MADCAM1: variants seen among roughly 807,000 people sequenced by gnomAD.
MADCAM1 encodes mucosal addressin cell adhesion molecule 1.
MADCAM1 carries 19 observed loss-of-function variants against 26.1 expected under a neutral mutation model. That is an observed-to-expected ratio of 0.73 (90% CI 0.51 to 1.07). The LOEUF (loss-of-function observed/expected upper bound fraction) is 1.07. MADCAM1 is among the 50% of genes least tolerant of loss of function. MADCAM1 has a pLI of 0.00. For missense variants in MADCAM1, 514 were observed against 542.1 expected, an observed-to-expected ratio of 0.95 and a Z score of 0.51; for synonymous variants, 268 against 260.9, an observed-to-expected ratio of 1.03 and a Z score of -0.26.
At chr19:497,534 A>G in intron 1 of MADCAM1, among the ~76,000 whole-genome samples, 1 of 134,354 alleles carries the variant, frequency 7.4e-6, no homozygotes, top group Non-Finnish European at 1.6e-5. Flanking sequence ...GGGGGCTCGG[A>G]GGAGGCAGGG....
At position 497,511 on chromosome 19, in the gene MADCAM1, T is replaced by A. The variant is rs182452151; in HGVS notation, c.53-322T>A. Among the ~76,000 whole-genome samples, 729 of 133,078 alleles carry A rather than the reference T, an allele frequency of 5.5e-3. 8 individuals carry two copies. The highest frequency in any genetic ancestry group is 0.02 in the African/African-American group (661 of 33,810). The allele number at this position is 133,078 out of a possible 152,430, so 87.3% of individuals were successfully genotyped here. Reference sequence around the variant, plus strand: ...CTCCGAGATAGGGGGTGATTGGTGATCCTGCCAGAGGAGGGGGCTCGGAGG... The same window carrying A: ...CTCCGAGATAGGGGGTGATTGGTGAACCTGCCAGAGGAGGGGGCTCGGAGG... On this transcript the variant is annotated intron_variant, in intron 1 of 4. Coordinates refer to ENST00000215637, the MANE Select transcript of MADCAM1 (RefSeq NM_130760.3).
chr19:497,724 G>C, intron 1 of MADCAM1, 109 bp from the exon 2 acceptor site: 1 of 910,402 alleles, frequency 1.1e-6, no homozygotes, highest in Non-Finnish European at 1.4e-6. Context: ...GAGGGTCCGG[G>C]AACCGGGCAG....
At chr19:503,574 G>A (rs1317534064) in intron 4 of MADCAM1, among the ~76,000 whole-genome samples, 4 of 63,648 alleles carry the variant, frequency 6.3e-5, no homozygotes, top group African/African-American at 7.2e-5. Context: ...GCAAGACTCC[G>A]TCTCAAAAAA....
intron 3 of MADCAM1, 170 bp downstream of exon 3, chr19:498,995 C>G: frequency 9.7e-7 from 1 of 1,030,180 alleles, no homozygotes; most frequent in Non-Finnish European, 1.4e-6. Context: ...ATTTGCCGAG[C>G]ACCTGCCCCC....
At chr19:504,333 A>T (rs930503525) in intron 4 of MADCAM1, among the ~76,000 whole-genome samples, 1 of 138,440 alleles carries the variant, frequency 7.2e-6, no homozygotes, top group Non-Finnish European at 1.5e-5. Flanking sequence ...GTGCGATCTC[A>T]GCTTACTGCA....
In MADCAM1 at chr19:498,646, C is replaced by A; in HGVS notation, c.488C>A (p.Ala163Asp). ...GGCCAGGAACTGGAGGGGGCGCAAGCCCTGGGCCCGGAGGTGCAGGAGGAG... is the reference window on the plus strand; with the variant it reads ...GGCCAGGAACTGGAGGGGGCGCAAGACCTGGGCCCGGAGGTGCAGGAGGAG... Reference protein sequence around the residue: ...VGGQELEGAQALGPEVQEEEE... With the variant: ...VGGQELEGAQDLGPEVQEEEE... Residue 163 changes from alanine (A) to aspartate (D), a missense_variant, in exon 3 of 5, where the codon GCC becomes GAC. By Grantham distance (126) the Ala-to-Asp change is moderately radical (BLOSUM62 -2). Coordinates refer to ENST00000215637, the MANE Select transcript of MADCAM1 (RefSeq NM_130760.3). 6.1e-6 allele frequency: 9 copies of A among 1,464,656 alleles called. No individual in the cohort carries two copies. The highest frequency in any genetic ancestry group is 7.2e-6 in the Non-Finnish European group (8 of 1,113,556). 90.7% of individuals were successfully genotyped at this position (1,464,656 alleles called of 1,614,324 possible).
In MADCAM1 at chr19:505,282, ACC is replaced by A. The variant is rs1978562457; in HGVS notation, c.*319_*320del. 1 of 294,602 alleles carries A rather than the reference ACC, an allele frequency of 3.4e-6. No homozygotes were observed. Among genetic ancestry groups the A allele is most frequent in the African/African-American group, 2.2e-5 (1 of 46,414 alleles). 18.2% of individuals were successfully genotyped at this position (294,602 alleles called of 1,614,324 possible). On this transcript the variant is annotated 3_prime_UTR_variant, in exon 5 of 5. Transcript: ENST00000215637. Reference sequence around the variant, plus strand: ...CGTAAGACCAAGCTGTGCCCTGACCACCCTGGGCCCCTGTCGTCAGGACCTCC... The same window carrying A: ...CGTAAGACCAAGCTGTGCCCTGACCACTGGGCCCCTGTCGTCAGGACCTCC...
intron 3 of MADCAM1, chr19:499,307 G>T (rs1458435692): frequency 2.2e-6 from 1 of 458,260 alleles, no homozygotes; most frequent in Non-Finnish European, 4.4e-6. Context: ...TCCCCCTCAG[G>T]TCTCTGTAGA....
At chr19:501,148 C>G (rs1324711530) in intron 3 of MADCAM1, among the ~76,000 whole-genome samples, 2 of 151,640 alleles carry the variant, frequency 1.3e-5, no homozygotes, top group Non-Finnish European at 2.9e-5. Context: ...ATGATCACAA[C>G]ACTGCACTCC....
In MADCAM1 at chr19:504,803, G is replaced by A. The variant is rs1600393553; in HGVS notation, c.987G>A (p.Leu329=). 6.2e-7 allele frequency: 1 copy of A among 1,612,984 alleles called. No homozygotes were observed. The highest frequency in any genetic ancestry group is 2.2e-5 in the East Asian group (1 of 44,878). ...CTCTGTGGACCAGCAGTGCGGTGCT[G>A]GGACTGCTGCTCCTGGCCTTGCCCA... is the stretch of plus-strand genomic sequence containing the variant. ...PAALWTSSAV[L]GLLLLALPTY... Residue 329 remains leucine, a synonymous_variant, in exon 5 of 5, where the codon CTG becomes CTA. Transcript: ENST00000215637.
chr19:501,690 C>T lies in MADCAM1; in HGVS notation c.689C>T (p.Pro230Leu), dbSNP rs371304710. The T allele has an allele frequency of 8.8e-6, 14 of 1,595,396 alleles. No individual in the cohort carries two copies. Among genetic ancestry groups the T allele is most frequent in the East Asian group, 6.8e-5 (3 of 43,812 alleles). ...CCAGTCCTGCACAGCCCGACCTCCC[C>T]GGAGCCTCCCGACACCACCTCCCCG... ...AIPVLHSPTSPEPPDTTSPES... is the reference protein window; with the variant it reads ...AIPVLHSPTSLEPPDTTSPES... Residue 230 changes from proline (P) to leucine (L), a missense_variant, in exon 4 of 5, where the codon CCG becomes CTG. Around this residue, in one of 3 missense-constraint regions of MADCAM1, gnomAD observed 45 missense variants for 91.8 expected, o/e 0.49. Coordinates refer to ENST00000215637, the MANE Select transcript of MADCAM1 (RefSeq NM_130760.3).
chr19:498,404 G>A (rs1010276335), intron 2 of MADCAM1, 92 bp from the exon 3 acceptor site: 18 of 1,313,488 alleles, frequency 1.4e-5, no homozygotes, highest in Non-Finnish European at 1.7e-5. Context: ...CGCATCCTTG[G>A]CCCCAGCTCC....
chr19:498,630 C>T lies in MADCAM1; in HGVS notation c.472C>T (p.Leu158=). The T allele has an allele frequency of 6.8e-7, 1 of 1,471,000 alleles. No individual in the cohort carries two copies. Among genetic ancestry groups the T allele is most frequent in the Non-Finnish European group, 9.0e-7 (1 of 1,116,786 alleles). 91.1% of individuals were successfully genotyped at this position (1,471,000 alleles called of 1,614,324 possible). A position where few individuals can be genotyped will look rare whatever the true frequency, so the allele number is the denominator to read the frequency against. The change falls in exon 3 of 5, where the codon CTG becomes TTG. Residue 158 remains leucine (L), a synonymous_variant. Transcript: ENST00000215637. The part of the protein sequence containing the change: ...SFSLLVGGQE[L]EGAQALGPEV... ...CTCCCTGCTCGTCGGGGGCCAGGAA[C>T]TGGAGGGGGCGCAAGCCCTGGGCCC...
rs1300493328 is a variant in MADCAM1, at chr19:505,284, C to T, written c.*319C>T. ...TAAGACCAAGCTGTGCCCTGACCAC[C>T]CTGGGCCCCTGTCGTCAGGACCTCC... On this transcript the variant is annotated 3_prime_UTR_variant, in exon 5 of 5. Transcript: ENST00000215637. 3 of 291,090 alleles carry T rather than the reference C, an allele frequency of 1.0e-5. No individual in the cohort carries two copies. The highest frequency in any genetic ancestry group is 1.9e-5 in the Non-Finnish European group (3 of 156,866). 18.0% of individuals were successfully genotyped at this position (291,090 alleles called of 1,614,324 possible).
At chr19:500,868 T>TCAA (rs763101833) in intron 3 of MADCAM1, among the ~76,000 whole-genome samples, 3 of 151,638 alleles carry the variant, frequency 2.0e-5, no homozygotes, top group South Asian at 2.1e-4. Context: ...AGACTCCATC[T>TCAA]CAACAACAAC....
At chr19:499,013 G>T in intron 3 of MADCAM1, 188 bp downstream of exon 3, 1 of 915,312 alleles carries the variant, frequency 1.1e-6, no homozygotes, top group Non-Finnish European at 1.7e-6. Flanking sequence ...CCCCAGCACA[G>T]GTCCCACCCC....
intron 3 of MADCAM1, among the ~76,000 whole-genome samples, chr19:501,000 A>C (rs1978320015): frequency 6.6e-6 from 1 of 151,906 alleles, no homozygotes; most frequent in African/African-American, 2.4e-5. Context: ...CAGCTTGGGC[A>C]ACATACGAGA....
Position 496,551 on chromosome 19 carries a change from G to C in MADCAM1, c.52G>C (p.Gly18Arg), listed in dbSNP as rs1280376081. The C allele has an allele frequency of 6.9e-6, 9 of 1,301,824 alleles. No individual in the cohort carries two copies. Among genetic ancestry groups the C allele is most frequent in the Non-Finnish European group, 7.9e-6 (8 of 1,018,754 alleles). The allele number at this position is 1,301,824 out of a possible 1,614,324, so 80.6% of individuals were successfully genotyped here. A position where few individuals can be genotyped will look rare whatever the true frequency, so the allele number is the denominator to read the frequency against. The change falls in exon 1 of 5, where the codon GGC (glycine) becomes CGC (arginine). Residue 18 changes from glycine to arginine, a missense_variant and splice_region_variant. By Grantham distance (125) the Gly-to-Arg change is moderately radical (BLOSUM62 -2). This residue lies in a region of MADCAM1 where 317 missense variants were observed against 313.6 expected (regional missense o/e 1.01). Coordinates refer to ENST00000215637, the MANE Select transcript of MADCAM1 (RefSeq NM_130760.3). ...LLAGLLGLLL[G>R]QSLQVKPLQV... is the part of the protein sequence containing the mutation. ...GGCGGGGCTTCTGGGGCTCCTCCTC[G>C]GTGAGAAGGGGAGGGGGCGCGGGAG...
chr19:498,751 T>C lies in MADCAM1; in HGVS notation c.593T>C (p.Val198Ala), dbSNP rs907257172. 96 of 1,482,990 alleles carry C rather than the reference T, an allele frequency of 6.5e-5. No individual in the cohort carries two copies. The highest frequency in any genetic ancestry group is 8.0e-5 in the Non-Finnish European group (90 of 1,125,528). 91.9% of individuals were successfully genotyped at this position (1,482,990 alleles called of 1,614,324 possible). ...RWRLPPLGTP[V>A]PPALYCQATM... Reference sequence around the variant, plus strand: ...CGGCTGCCGCCCCTGGGGACCCCTGTCCCGCCCGCCCTCTACTGCCAGGCC... The same window carrying C: ...CGGCTGCCGCCCCTGGGGACCCCTGCCCCGCCCGCCCTCTACTGCCAGGCC... Residue 198 changes from valine to alanine, a missense_variant, in exon 3 of 5, where the codon GTC becomes GCC. Val to Ala is a moderately conservative substitution (Grantham distance 64). This residue lies in a region of MADCAM1 where 317 missense variants were observed against 313.6 expected (regional missense o/e 1.01). Coordinates refer to ENST00000215637, the MANE Select transcript of MADCAM1 (RefSeq NM_130760.3).
Sources: gnomAD v4.1 joint callset for allele counts (sites outside exome capture counted in the v4.1 genomes callset) on GRCh38, gnomAD v4.1.1 for gene constraint, gnomAD v4.1.1 regional missense constraint, MANE v1.5 for transcripts, NCBI Gene and HGNC (gene_info 2026-07-23, HGNC 2026-07-21) for gene names.